The following MMRN1 variants were observed in gnomAD, a reference collection of about 807,000 sequenced individuals.
The protein encoded by MMRN1 is multimerin-1.
Under a neutral mutation model 100.7 loss-of-function variants are expected in MMRN1, and 94 were observed. The ratio of observed to expected loss-of-function variants is 0.93; its 90% CI spans 0.79 to 1.11. MMRN1 has a LOEUF of 1.11. MMRN1 is among the 50% of genes least tolerant of loss of function. The pLI, the probability that MMRN1 is intolerant of heterozygous loss-of-function variation, is 0.00. For synonymous variants in MMRN1, 575 were observed against 505.0 expected, an observed-to-expected ratio of 1.14 and a Z score of -1.86; for missense variants, 1,606 against 1,439.1, an observed-to-expected ratio of 1.12 and a Z score of -1.88.
intron 3 of MMRN1, 65 bp from the exon 4 acceptor site, chr4:89,923,103 G>A: frequency 7.7e-7 from 1 of 1,290,526 alleles, no homozygotes. Flanking sequence ...TTATTGTTCA[G>A]GACTGGAAAA....
chr4:89,952,004 T>C (rs1306978719), intron 7 of MMRN1, among the ~76,000 whole-genome samples: 1 of 152,134 alleles, frequency 6.6e-6, no homozygotes, highest in Non-Finnish European at 1.5e-5. Flanking sequence ...TATGGAAAAT[T>C]CTACCCCCTC....
intron 4 of MMRN1, 93 bp downstream of exon 4, chr4:89,923,365 G>A: frequency 9.2e-7 from 1 of 1,091,896 alleles, no homozygotes; most frequent in East Asian, 2.4e-5. Flanking sequence ...GTTGTCAAAT[G>A]ATTGATGGTG....
chr4:89,918,609 T>C (rs1258110529), intron 3 of MMRN1, among the ~76,000 whole-genome samples: 1 of 151,894 alleles, frequency 6.6e-6, no homozygotes, highest in Non-Finnish European at 1.5e-5. Context: ...GCAGTAAATA[T>C]GAAATTCATC....
chr4:89,946,730 A>T (rs1434260612), intron 6 of MMRN1, among the ~76,000 whole-genome samples: 1 of 152,202 alleles, frequency 6.6e-6, no homozygotes, highest in East Asian at 1.9e-4. Flanking sequence ...TAGTTCAAAT[A>T]TGTACATTTA....
chr4:89,927,665 T>C, intron 4 of MMRN1, 130 bp from the exon 5 acceptor site: 2 of 727,200 alleles, frequency 2.8e-6, no homozygotes, highest in Non-Finnish European at 4.4e-6. Context: ...AAAATAGTGG[T>C]GAAAGTGAGC....
intron 1 of MMRN1, among the ~76,000 whole-genome samples, chr4:89,903,704 A>T (rs1219208118): frequency 6.6e-6 from 1 of 151,882 alleles, no homozygotes; most frequent in East Asian, 1.9e-4. Context: ...GATGCTTCGT[A>T]GATGAGGTAG....
chr4:89,882,194 G>A (rs1302872467), intron 1 of MMRN1, among the ~76,000 whole-genome samples: 1 of 151,426 alleles, frequency 6.6e-6, no homozygotes, highest in Non-Finnish European at 1.5e-5. Flanking sequence ...AAGAGAATTT[G>A]GATTGCTATT....
At chr4:89,943,188 G>T (rs1722887515) in intron 6 of MMRN1, among the ~76,000 whole-genome samples, 1 of 152,118 alleles carries the variant, frequency 6.6e-6, no homozygotes, top group South Asian at 2.1e-4. Flanking sequence ...GCATTTTCCA[G>T]GCCTGCCAAA....
intron 3 of MMRN1, among the ~76,000 whole-genome samples, chr4:89,919,802 G>C (rs1443739693): frequency 6.6e-6 from 1 of 152,022 alleles, no homozygotes; most frequent in Non-Finnish European, 1.5e-5. Context: ...CAGTGTCTTT[G>C]ATAATTTACT....
chr4:89,918,093 T>A (rs933521374), intron 3 of MMRN1, among the ~76,000 whole-genome samples: 2 of 151,416 alleles, frequency 1.3e-5, no homozygotes, highest in African/African-American at 2.4e-5. Context: ...AAAATCTTTT[T>A]CTTACATAAT....
At chr4:89,886,251 T>C (rs1021339602) in intron 1 of MMRN1, among the ~76,000 whole-genome samples, 7 of 152,074 alleles carry the variant, frequency 4.6e-5, no homozygotes, top group Middle Eastern at 3.2e-3. Context: ...TTTGATATGT[T>C]TTGATTATCA....
At chr4:89,906,022 T>A (rs188743871) in intron 1 of MMRN1, among the ~76,000 whole-genome samples, 2 of 151,652 alleles carry the variant, frequency 1.3e-5, no homozygotes, top group East Asian at 3.9e-4. Context: ...TGGGAAAATA[T>A]TCTGTGTGGT....
At chr4:89,908,035 T>C (rs1721625514) in intron 1 of MMRN1, among the ~76,000 whole-genome samples, 1 of 151,318 alleles carries the variant, frequency 6.6e-6, no homozygotes, top group Non-Finnish European at 1.5e-5. Context: ...AAATGATATT[T>C]CTGTCTGGCC....
At chr4:89,891,822 T>G (rs796170364), upstream of MMRN1, among the ~76,000 whole-genome samples, 76 of 152,134 alleles carry the variant, frequency 5.0e-4, no homozygotes, top group African/African-American at 1.6e-3. Flanking sequence ...AAATAGGAAT[T>G]TCTCATGTGA....
At position 89,934,967 on chromosome 4, in the gene MMRN1, A is replaced by G. The variant is rs755877936; in HGVS notation, c.1287A>G (p.Lys429=). ...AAAGCACCAGGCAAATAATTCAAAAAGTTAATGAATCTGTGGTTTCAATAG... is the reference window on the plus strand; with the variant it reads ...AAAGCACCAGGCAAATAATTCAAAAGGTTAATGAATCTGTGGTTTCAATAG... The part of the protein sequence containing the change: ...DLESTRQIIQ[K]VNESVVSIAA... Residue 429 remains lysine (K), a synonymous_variant, in exon 6 of 8, where the codon AAA becomes AAG. Coordinates refer to ENST00000264790, the MANE Select transcript of MMRN1 (RefSeq NM_007351.3). 6.2e-7 allele frequency: 1 copy of G among 1,613,722 alleles called. No individual in the cohort carries two copies. The highest frequency in any genetic ancestry group is 1.1e-5 in the South Asian group (1 of 91,054).
intron 1 of MMRN1, among the ~76,000 whole-genome samples, chr4:89,901,409 T>C (rs1279267372): frequency 6.6e-6 from 1 of 151,832 alleles, no homozygotes; most frequent in African/African-American, 2.4e-5. Context: ...TAGAAAATTA[T>C]TCTGAGTTTA....
intron 7 of MMRN1, among the ~76,000 whole-genome samples, chr4:89,952,221 C>T (rs1429151856): frequency 6.6e-6 from 1 of 152,124 alleles, no homozygotes; most frequent in Non-Finnish European, 1.5e-5. Context: ...TGTGTGAGAA[C>T]TGTTAGAACA....
Position 89,953,268 on chromosome 4 carries a change from T to C in MMRN1, c.3537T>C (p.Ser1179=), listed in dbSNP as rs1051955071. 3.1e-6 allele frequency: 5 copies of C among 1,613,894 alleles called. No homozygotes were observed. The highest frequency in any genetic ancestry group is 1.1e-5 in the South Asian group (1 of 91,068). The part of the protein sequence containing the change: ...KLAFESENIN[S]EIHCDRVLTG... Reference sequence around the variant, plus strand: ...CATTTGAGTCTGAAAATATTAACAGTGAAATACACTGTGATAGGGTTTTAA... The same window carrying C: ...CATTTGAGTCTGAAAATATTAACAGCGAAATACACTGTGATAGGGTTTTAA... The change falls in exon 8 of 8, where the codon AGT becomes AGC. Residue 1179 remains serine (S), a synonymous_variant. Transcript: ENST00000264790.
At chr4:89,879,585 C>G (rs76120557) in exon 1 of MMRN1, 5 of 152,066 alleles carry the variant, frequency 3.3e-5, no homozygotes, top group African/African-American at 1.2e-4. Flanking sequence ...GTTATAACCA[C>G]GGGCAAAGAA....
Sources: allele counts gnomAD v4.1 joint callset (sites outside exome capture counted in the v4.1 genomes callset), GRCh38; gene constraint gnomAD v4.1.1; transcripts MANE v1.5; gene names NCBI Gene and HGNC (gene_info 2026-07-23, HGNC 2026-07-21).